The following ZFYVE1 variants were observed in gnomAD, a reference collection of about 807,000 sequenced individuals.
ZFYVE1 encodes the protein zinc finger FYVE-type containing 1, also known as zinc finger FYVE domain-containing protein 1.
In ZFYVE1, 30 loss-of-function variants were observed where a neutral mutation model predicts 74.4. The observed-to-expected ratio is 0.40, with a 90% CI of 0.30 to 0.55. The LOEUF is 0.55. ZFYVE1 is among the 20% of genes least tolerant of loss of function. The probability of loss-of-function intolerance (pLI) is 0.42; values close to 1 mark genes in which losing one functional copy is unlikely to be tolerated. For missense variants in ZFYVE1, 703 were observed against 1,011.6 expected (o/e 0.69, Z 4.14); for synonymous variants, 335 against 385.1 (o/e 0.87, Z 1.52).
rs777907880 is a variant in ZFYVE1, at chr14:73,024,053, G to A, written c.456C>T (p.Leu152=). 1.2e-6 allele frequency: 2 copies of A among 1,614,028 alleles called. No homozygotes were observed. Among genetic ancestry groups the A allele is most frequent in the Non-Finnish European group, 8.5e-7 (1 of 1,180,012 alleles). Residue 152 remains leucine (L), a synonymous_variant, in exon 2 of 12, where the codon CTC becomes CTT. Transcript: ENST00000556143. ...KKMTEKVVSF[L]LVDENEEIQV... is the part of the protein sequence containing the mutation. ...GAATTTCTTCATTTTCGTCTACTAG[G>A]AGGAAACTCACAACCTTCTCAGTCA...
chr14:72,975,344 T>TA lies in ZFYVE1; in HGVS notation c.1806+206dup. On this transcript the variant is annotated intron_variant, in intron 9 of 11. Coordinates refer to ENST00000556143, the MANE Select transcript of ZFYVE1 (RefSeq NM_021260.4). This position sits in a 1 kb window ranked among gnomAD's most constrained non-coding sequence, Gnocchi z 4.1. ...AAACTAAAACTCACCAAACAGAAAA[T>TA]ACTTGCAGGAAAACACGAAGGGAAA... The TA allele has an allele frequency of 3.2e-6, 2 of 620,762 alleles. No homozygotes were observed. Among genetic ancestry groups the TA allele is most frequent in the Admixed American group, 6.8e-5 (2 of 29,286 alleles). 38.5% of individuals were successfully genotyped at this position (620,762 alleles called of 1,614,324 possible).
At chr14:73,005,629 AGAT>A (rs1284329971) in intron 2 of ZFYVE1, among the ~76,000 whole-genome samples, 2 of 152,180 alleles carry the variant, frequency 1.3e-5, no homozygotes, top group African/African-American at 2.4e-5. Context: ...CAGGGAAATG[AGAT>A]AATAACAGAT....
chr14:73,018,417 C>A (rs964310136), intron 2 of ZFYVE1, among the ~76,000 whole-genome samples: 2 of 108,954 alleles, frequency 1.8e-5, no homozygotes, highest in African/African-American at 3.6e-5. Context: ...GGCGACAGAG[C>A]AAGACTCCAT....
chr14:72,992,746 A>G (rs866540602), intron 4 of ZFYVE1, among the ~76,000 whole-genome samples: 1 of 152,090 alleles, frequency 6.6e-6, no homozygotes, highest in South Asian at 2.1e-4. Context: ...GCTTATAGTG[A>G]TAACAAAAAG....
At position 72,970,764 on chromosome 14, in the gene ZFYVE1, T is replaced by C. The variant is rs1001752772; in HGVS notation, c.*118A>G. ...CCCACTGAGGGAAAGTGGCCCTGGA[T>C]GCGGAGAGGAGAGGACACACACCAC... is the stretch of plus-strand genomic sequence containing the variant. On this transcript the variant is annotated 3_prime_UTR_variant, in exon 12 of 12. Transcript: ENST00000556143. 1.3e-5 allele frequency: 15 copies of C among 1,130,284 alleles called. No homozygotes were observed. Among genetic ancestry groups the C allele is most frequent in the Non-Finnish European group, 1.3e-5 (10 of 797,394 alleles). The allele number at this position is 1,130,284 out of a possible 1,614,324, so 70.0% of individuals were successfully genotyped here. A position where few individuals can be genotyped will look rare whatever the true frequency, so the allele number is the denominator to read the frequency against.
chr14:73,007,081 C>A (rs941308476), intron 2 of ZFYVE1, among the ~76,000 whole-genome samples: 1 of 151,964 alleles, frequency 6.6e-6, no homozygotes, highest in African/African-American at 2.4e-5. Context: ...CCCAAGCAGG[C>A]CAAGGGAATG....
intron 2 of ZFYVE1, 27 bp downstream of exon 2, chr14:73,023,999 T>G (rs773970573): frequency 1.2e-6 from 2 of 1,604,066 alleles, no homozygotes; most frequent in East Asian, 4.5e-5. Context: ...CCACTACACA[T>G]GAATCCCACT....
intron 5 of ZFYVE1, among the ~76,000 whole-genome samples, chr14:72,980,713 G>A (rs923679265): frequency 1.2e-3 from 182 of 152,042 alleles, no homozygotes; most frequent in African/African-American, 4.2e-3. Context: ...GACTACAGGC[G>A]CCGGCCACCG....
intron 2 of ZFYVE1, among the ~76,000 whole-genome samples, chr14:73,000,243 T>A (rs1893839913): frequency 6.6e-6 from 1 of 152,058 alleles, no homozygotes; most frequent in African/African-American, 2.4e-5. Flanking sequence ...GAAAAGATGC[T>A]CCAAGTCCTG....
chr14:72,978,690 A>G (rs1347906632), intron 6 of ZFYVE1, among the ~76,000 whole-genome samples, 171 bp downstream of exon 6: 3 of 152,098 alleles, frequency 2.0e-5, no homozygotes, highest in African/African-American at 4.8e-5. Flanking sequence ...ACCCTCACCA[A>G]TGAAGACATG....
At position 73,027,002 on chromosome 14, in the gene ZFYVE1, G is replaced by C. The variant is rs1894478564; in HGVS notation, c.-511C>G. The C allele has an allele frequency of 2.5e-6, 1 of 398,732 alleles. No individual in the cohort carries two copies. Among genetic ancestry groups the C allele is most frequent in the African/African-American group, 2.1e-5 (1 of 48,634 alleles). 24.7% of individuals were successfully genotyped at this position (398,732 alleles called of 1,614,324 possible). ...AGTGGGGGCAGAGGCTATTCCTCAGGACACCGGCAGATCCATCCTCATCTC... is the reference window on the plus strand; with the variant it reads ...AGTGGGGGCAGAGGCTATTCCTCAGCACACCGGCAGATCCATCCTCATCTC... On this transcript the variant is annotated 5_prime_UTR_variant, in exon 1 of 12. Coordinates refer to ENST00000556143, the MANE Select transcript of ZFYVE1 (RefSeq NM_021260.4).
At position 72,993,321 on chromosome 14, in the gene ZFYVE1, T is replaced by A. The variant is rs1373947813; in HGVS notation, c.1025A>T (p.Asp342Val). 6.2e-7 allele frequency: 1 copy of A among 1,612,868 alleles called. No homozygotes were observed. The highest frequency in any genetic ancestry group is 1.1e-5 in the South Asian group (1 of 91,048). Residue 342 changes from aspartate (D) to valine (V), a missense_variant, in exon 4 of 12, where the codon GAC (aspartate) becomes GTC (valine). This residue lies in a region of ZFYVE1 where 492 missense variants were observed against 790.0 expected (regional missense o/e 0.62). Transcript: ENST00000556143. ...GAAACGGCCCAGCTTCCGGAACCGGTCCTGGATGAGCTTCTCTGGCACCTC... is the reference window on the plus strand; with the variant it reads ...GAAACGGCCCAGCTTCCGGAACCGGACCTGGATGAGCTTCTCTGGCACCTC... ...PSEVPEKLIQ[D>V]RFRKLGRFPE...
chr14:73,011,355 C>T (rs1894088394), intron 2 of ZFYVE1, among the ~76,000 whole-genome samples: 1 of 151,854 alleles, frequency 6.6e-6, no homozygotes, highest in Admixed American at 6.6e-5. Flanking sequence ...GGAGTGGTGG[C>T]ACATGCCTGT....
At position 73,027,030 on chromosome 14, in the gene ZFYVE1, T is replaced by A; in HGVS notation, c.-539A>T. 2.5e-6 allele frequency: 1 copy of A among 399,046 alleles called. No homozygotes were observed. The highest frequency in any genetic ancestry group is 3.6e-5 in the East Asian group (1 of 28,072). The allele number at this position is 399,046 out of a possible 1,614,324, so 24.7% of individuals were successfully genotyped here. A position where few individuals can be genotyped will look rare whatever the true frequency, so the allele number is the denominator to read the frequency against. On this transcript the variant is annotated 5_prime_UTR_variant, in exon 1 of 12. An upstream start codon of the reference 5' UTR is lost. Coordinates refer to ENST00000556143, the MANE Select transcript of ZFYVE1 (RefSeq NM_021260.4). ...ACCGGCAGATCCATCCTCATCTCCATCTCCGCCACCCTCCTCCTTCGTTGC... is the reference window on the plus strand; with the variant it reads ...ACCGGCAGATCCATCCTCATCTCCAACTCCGCCACCCTCCTCCTTCGTTGC...
rs1279141752 is a variant in ZFYVE1 at position 72,993,347 on chromosome 14, T to G, written c.999A>C (p.Ser333=). 2 of 1,611,810 alleles carry G rather than the reference T, an allele frequency of 1.2e-6. No individual in the cohort carries two copies. Among genetic ancestry groups the G allele is most frequent in the Admixed American group, 3.4e-5 (2 of 59,648 alleles). Residue 333 remains serine, a synonymous_variant, in exon 4 of 12, where the codon TCA becomes TCC. Transcript: ENST00000556143. ...HTQLLGSDHP[S]EVPEKLIQDR... is the part of the protein sequence containing the mutation. ...CCTGGATGAGCTTCTCTGGCACCTC[T>G]GAGGGATGATCTATACAAGCAGAAA... is the stretch of plus-strand genomic sequence containing the variant.
intron 8 of ZFYVE1, 116 bp downstream of exon 8, chr14:72,977,810 GC>G: frequency 8.9e-7 from 1 of 1,122,592 alleles, no homozygotes; most frequent in Non-Finnish European, 1.3e-6. Context: ...TTTCTAAACC[GC>G]CAACATTCTG....
intron 2 of ZFYVE1, among the ~76,000 whole-genome samples, chr14:73,012,808 ATATT>A (rs1444433188): frequency 2.0e-5 from 3 of 152,194 alleles, no homozygotes; most frequent in Non-Finnish European, 4.4e-5. Flanking sequence ...AATTCAATAA[ATATT>A]TATGACTGCT....
intron 4 of ZFYVE1, among the ~76,000 whole-genome samples, chr14:72,983,355 C>G (rs1367753541): frequency 9.0e-5 from 12 of 133,704 alleles, no homozygotes; most frequent in African/African-American, 1.4e-4. Context: ...CCCTCCCCCC[C>G]ACCCCACCAC....
chr14:72,993,094 C>A, intron 4 of ZFYVE1, 49 bp downstream of exon 4: 2 of 1,513,096 alleles, frequency 1.3e-6, no homozygotes, highest in South Asian at 2.6e-5. Flanking sequence ...GTGTTCTCAC[C>A]ACCCACTGGC....
Sources: allele counts gnomAD v4.1 joint callset (sites outside exome capture counted in the v4.1 genomes callset), GRCh38; gene constraint gnomAD v4.1.1; regional missense constraint gnomAD v4.1.1; non-coding constraint Gnocchi (gnomAD v3.1); transcripts MANE v1.5; gene names NCBI Gene and HGNC (gene_info 2026-07-23, HGNC 2026-07-21).